SYN3: variants seen among roughly 807,000 people sequenced by gnomAD.
SYN3 encodes the protein synapsin-3.
Under a neutral mutation model 65.8 loss-of-function variants are expected in SYN3, and 35 were observed. That is an observed-to-expected ratio of 0.53 (90% CI 0.41 to 0.70). The LOEUF (loss-of-function observed/expected upper bound fraction) is 0.70, where lower values mean the gene tolerates loss of function less well. Among genes scored for constraint, SYN3 ranks in the 30% least tolerant of loss-of-function variants. The pLI, the probability that SYN3 is intolerant of heterozygous loss-of-function variation, is 0.00. For missense variants in SYN3, 680 were observed against 749.0 expected (o/e 0.91, Z 1.08); for synonymous variants, 270 against 292.9 (o/e 0.92, Z 0.80).
At chr22:33,048,504 G>C (rs2054106011) in intron 1 of SYN3, among the ~76,000 whole-genome samples, 1 of 152,142 alleles carries the variant, frequency 6.6e-6, no homozygotes, top group Non-Finnish European at 1.5e-5. Flanking sequence ...GAATGGCTTG[G>C]TGTCCTCCCC....
chr22:32,581,792 C>CTTTTTTTTTTTTTTTTTTTTT (rs10716395), intron 7 of SYN3, among the ~76,000 whole-genome samples: 4 of 84,314 alleles, frequency 4.7e-5, no homozygotes, highest in African/African-American at 4.5e-5. Flanking sequence ...TTCTTTCTTT[C>CTTTTTTTTTTTTTTTTTTTTT]TTTTTTTTTT....
intron 2 of SYN3, 21 bp downstream of exon 2, chr22:33,006,331 C>G (rs2053194919): frequency 1.3e-6 from 2 of 1,578,018 alleles, no homozygotes; most frequent in Non-Finnish European, 8.6e-7. Context: ...AAGGTGGTAG[C>G]ACTTGCAAAT....
chr22:32,857,151 T>C, intron 6 of SYN3: 1 of 926,914 alleles, frequency 1.1e-6, no homozygotes, highest in Non-Finnish European at 1.8e-6. Context: ...CATATTCCGA[T>C]TTCCTTTCCT....
At chr22:33,038,537 C>T (rs1027585591) in intron 1 of SYN3, among the ~76,000 whole-genome samples, 1 of 152,164 alleles carries the variant, frequency 6.6e-6, no homozygotes, top group Non-Finnish European at 1.5e-5. Context: ...CTTAGGGACA[C>T]AATCCTTCTC....
chr22:32,778,940 A>G (rs2045969714), intron 6 of SYN3, among the ~76,000 whole-genome samples: 1 of 152,202 alleles, frequency 6.6e-6, no homozygotes, highest in South Asian at 2.1e-4. Flanking sequence ...TATTCCATAA[A>G]TATTTATTGA....
At chr22:32,553,186 A>C (rs1402400524) in intron 7 of SYN3, among the ~76,000 whole-genome samples, 2 of 152,212 alleles carry the variant, frequency 1.3e-5, no homozygotes, top group African/African-American at 4.8e-5. Flanking sequence ...TTGGGGATTA[A>C]GGCTCCAACA....
At chr22:32,943,710 G>A (rs181323928) in intron 3 of SYN3, among the ~76,000 whole-genome samples, 61 of 152,210 alleles carry the variant, frequency 4.0e-4, no homozygotes, top group African/African-American at 1.1e-3. Context: ...CCCATCTCAC[G>A]TGCAGAGACA....
intron 3 of SYN3, among the ~76,000 whole-genome samples, chr22:32,956,061 T>TATATATATATATAA (rs1263294092): frequency 7.7e-5 from 11 of 142,956 alleles, no homozygotes; most frequent in South Asian, 4.6e-4. Flanking sequence ...TATATATATA[T>TATATATATATATAA]AAAATCTCCT....
chr22:32,941,331 C>T (rs1463233385), intron 3 of SYN3, among the ~76,000 whole-genome samples: 2 of 152,226 alleles, frequency 1.3e-5, no homozygotes, highest in Non-Finnish European at 2.9e-5. Flanking sequence ...TTTCACACTT[C>T]AGCATATTTC....
chr22:32,929,462 CA>C (rs1407587429), intron 4 of SYN3, among the ~76,000 whole-genome samples: 3 of 152,042 alleles, frequency 2.0e-5, no homozygotes, highest in African/African-American at 7.2e-5. Context: ...GTTCCTGTTT[CA>C]CCTGGTTATC....
chr22:32,770,779 G>A (rs761903100), intron 6 of SYN3, among the ~76,000 whole-genome samples: 7 of 151,548 alleles, frequency 4.6e-5, no homozygotes, highest in Non-Finnish European at 1.0e-4. Flanking sequence ...TATAGCAAGA[G>A]CACCCATTCT....
chr22:32,840,230 G>A (rs1404267215), intron 6 of SYN3, among the ~76,000 whole-genome samples: 1 of 152,038 alleles, frequency 6.6e-6, no homozygotes. Context: ...TTCATTTCTT[G>A]CCAAAAAAAC....
chr22:32,660,516 C>T (rs1425572745), intron 6 of SYN3, among the ~76,000 whole-genome samples: 1 of 152,128 alleles, frequency 6.6e-6, no homozygotes, highest in Non-Finnish European at 1.5e-5. Flanking sequence ...CTCTCTAATC[C>T]AGGGCCCATT....
At chr22:32,683,516 G>T (rs956424161) in intron 6 of SYN3, among the ~76,000 whole-genome samples, 1 of 152,160 alleles carries the variant, frequency 6.6e-6, no homozygotes, top group East Asian at 1.9e-4. Context: ...CTGGAGGCTG[G>T]AAGTCTGAAA....
chr22:32,628,496 C>T (rs902921770), intron 6 of SYN3, among the ~76,000 whole-genome samples: 1 of 152,036 alleles, frequency 6.6e-6, no homozygotes, highest in African/African-American at 2.4e-5. Context: ...AAAGTGCAGC[C>T]CCAAAGAGGC....
At chr22:32,915,827 T>C (rs2050172790) in intron 4 of SYN3, among the ~76,000 whole-genome samples, 2 of 152,186 alleles carry the variant, frequency 1.3e-5, no homozygotes, top group Non-Finnish European at 2.9e-5. Flanking sequence ...CTGATTTAGT[T>C]TCAGAAGAAT....
chr22:32,952,299 G>GTGT (rs146173932), intron 3 of SYN3, among the ~76,000 whole-genome samples: 7 of 150,388 alleles, frequency 4.7e-5, no homozygotes, highest in African/African-American at 1.7e-4. Flanking sequence ...TGTGTGGGGG[G>GTGT]GTGTGTGTGT....
chr22:32,617,504 C>G (rs1684770126), intron 6 of SYN3, among the ~76,000 whole-genome samples: 1 of 151,138 alleles, frequency 6.6e-6, no homozygotes, highest in Non-Finnish European at 1.5e-5. Context: ...AGAGAGAGCC[C>G]CTTGTTCTGA....
chr22:32,990,624 G>C (rs1055066273), intron 2 of SYN3, among the ~76,000 whole-genome samples: 1 of 152,174 alleles, frequency 6.6e-6, no homozygotes, highest in Non-Finnish European at 1.5e-5. Context: ...GTCTAGCCAG[G>C]AGATAGTCCC....
Sources: allele counts gnomAD v4.1 joint callset (sites outside exome capture counted in the v4.1 genomes callset), GRCh38; gene constraint gnomAD v4.1.1; transcripts MANE v1.5; gene names NCBI Gene and HGNC (gene_info 2026-07-23, HGNC 2026-07-21).